Variants in KLHL14 observed in about 807,000 individuals in gnomAD.
KLHL14 encodes the protein kelch-like protein 14.
In KLHL14, 22 loss-of-function variants were observed where a neutral mutation model predicts 64.3. The ratio of observed to expected loss-of-function variants is 0.34; its 90% CI spans 0.24 to 0.49. The LOEUF (loss-of-function observed/expected upper bound fraction) is 0.49. Among genes scored for constraint, KLHL14 ranks in the 20% least tolerant of loss-of-function variants. The pLI is 0.99. For synonymous variants in KLHL14, 322 were observed against 333.4 expected (o/e 0.97, Z 0.37); for missense variants, 661 against 789.0 (o/e 0.84, Z 1.94).
chr18:32,682,353 G>C (rs1170223041), intron 5 of KLHL14, among the ~76,000 whole-genome samples: 1 of 151,954 alleles, frequency 6.6e-6, no homozygotes, highest in Non-Finnish European at 1.5e-5. Flanking sequence ...AGATAATGAA[G>C]AACAACAATA....
chr18:32,750,686 C>G (rs1243281362), intron 2 of KLHL14, among the ~76,000 whole-genome samples: 1 of 152,112 alleles, frequency 6.6e-6, no homozygotes, highest in Non-Finnish European at 1.5e-5. Context: ...ATCCTTGACT[C>G]TTCCATTTTC....
At chr18:32,767,364 CT>C (rs34264191) in intron 2 of KLHL14, among the ~76,000 whole-genome samples, 48,606 of 152,068 alleles carry the variant, frequency 0.32, 9,555 homozygotes, top group Non-Finnish European at 0.45. Context: ...AAAATGCTAC[CT>C]TTACTAATAA....
intron 3 of KLHL14, among the ~76,000 whole-genome samples, chr18:32,736,746 T>C (rs1263011224): frequency 6.6e-6 from 1 of 152,108 alleles, no homozygotes; most frequent in East Asian, 1.9e-4. Context: ...GCATTCTCAA[T>C]ACTGGGTGGT....
intron 2 of KLHL14, among the ~76,000 whole-genome samples, chr18:32,768,104 G>A (rs904713268): frequency 6.6e-5 from 10 of 152,064 alleles, no homozygotes; most frequent in African/African-American, 2.2e-4. Flanking sequence ...ATAAAAATAC[G>A]TTTCATGTTT....
intron 2 of KLHL14, among the ~76,000 whole-genome samples, chr18:32,757,009 C>T (rs184123228): frequency 5.8e-4 from 89 of 152,302 alleles, no homozygotes; most frequent in Admixed American, 2.0e-3. Context: ...ACTATGATCC[C>T]TACCATCTTG....
chr18:32,741,548 A>G (rs2050197587), intron 3 of KLHL14, among the ~76,000 whole-genome samples: 1 of 152,256 alleles, frequency 6.6e-6, no homozygotes, highest in Non-Finnish European at 1.5e-5. Flanking sequence ...AGTGAACTAA[A>G]CAACCATTTT....
At chr18:32,697,578 C>A (rs1056022655) in intron 3 of KLHL14, among the ~76,000 whole-genome samples, 1 of 152,044 alleles carries the variant, frequency 6.6e-6, no homozygotes, top group African/African-American at 2.4e-5. Context: ...ACGGTATTAT[C>A]TTTTTTTAAA....
chr18:32,674,903 C>T (rs1468123889), intron 8 of KLHL14, 106 bp from the exon 9 acceptor site: 1 of 615,914 alleles, frequency 1.6e-6, no homozygotes, highest in Non-Finnish European at 3.0e-6. Context: ...TATCTGTTCT[C>T]CATTCTTGCT....
In KLHL14 at chr18:32,673,215, C is replaced by A. The variant is rs977579849; in HGVS notation, c.*1442G>T. On this transcript the variant is annotated 3_prime_UTR_variant, in exon 9 of 9. Transcript: ENST00000359358. ...ATTCCAGTATACCCATTTATCTTGA[C>A]GTGCTCTGCCATGAAAGCTTATCAC... The A allele has an allele frequency of 6.6e-6, 1 of 152,576 alleles. No individual in the cohort carries two copies. The highest frequency in any genetic ancestry group is 1.5e-5 in the Non-Finnish European group (1 of 68,042). The allele number at this position is 152,576 out of a possible 1,614,324, so 9.5% of individuals were successfully genotyped here.
chr18:32,747,508 CA>C (rs2050229590), intron 2 of KLHL14, among the ~76,000 whole-genome samples: 2 of 152,132 alleles, frequency 1.3e-5, no homozygotes, highest in Admixed American at 6.5e-5. Context: ...CTCACATGTG[CA>C]ATTCACGTAG....
At chr18:32,693,574 G>A (rs1172606404) in intron 4 of KLHL14, among the ~76,000 whole-genome samples, 3 of 152,152 alleles carry the variant, frequency 2.0e-5, no homozygotes, top group African/African-American at 4.8e-5. Flanking sequence ...TAGTCACATC[G>A]TTAGCATTAA....
At chr18:32,696,000 C>G (rs1303951064) in intron 3 of KLHL14, among the ~76,000 whole-genome samples, 3 of 152,146 alleles carry the variant, frequency 2.0e-5, no homozygotes, top group Admixed American at 6.5e-5. Flanking sequence ...TTTCCATAAA[C>G]AGACTCAGGG....
At chr18:32,697,567 A>G (rs945793896) in intron 3 of KLHL14, among the ~76,000 whole-genome samples, 5 of 152,176 alleles carry the variant, frequency 3.3e-5, no homozygotes, top group African/African-American at 1.2e-4. Flanking sequence ...AATAATGAAA[A>G]ACGGTATTAT....
chr18:32,719,649 T>C (rs2050066129), intron 3 of KLHL14, among the ~76,000 whole-genome samples: 1 of 152,238 alleles, frequency 6.6e-6, no homozygotes, highest in Non-Finnish European at 1.5e-5. Flanking sequence ...TATTCAATAA[T>C]TACTACATGT....
At chr18:32,710,865 G>T (rs1390411632) in intron 3 of KLHL14, among the ~76,000 whole-genome samples, 1 of 152,046 alleles carries the variant, frequency 6.6e-6, no homozygotes, top group Non-Finnish European at 1.5e-5. Context: ...GGCACCTTTG[G>T]GTGCCTAACA....
intron 2 of KLHL14, among the ~76,000 whole-genome samples, chr18:32,754,513 G>T (rs1166747419): frequency 1.3e-5 from 2 of 152,224 alleles, no homozygotes; most frequent in African/African-American, 2.4e-5. Context: ...CATAATGGTA[G>T]AAATGAATAT....
At chr18:32,762,888 T>C (rs2050321738) in intron 2 of KLHL14, among the ~76,000 whole-genome samples, 3 of 152,142 alleles carry the variant, frequency 2.0e-5, no homozygotes, top group South Asian at 4.1e-4. Flanking sequence ...TGAAACAAAA[T>C]ATAAACAGAA....
chr18:32,674,711 T>G lies in KLHL14; in HGVS notation c.1833A>C (p.Ala611=). 1.3e-6 allele frequency: 1 copy of G among 780,980 alleles called. No individual in the cohort carries two copies. The highest frequency in any genetic ancestry group is 2.4e-6 in the Non-Finnish European group (1 of 418,034). The allele number at this position is 780,980 out of a possible 1,614,324, so 48.4% of individuals were successfully genotyped here. The stretch of plus-strand genomic sequence containing the variant: ...GAATAACTGTCACACAGGCAGGGCC[T>G]GCCAACGGTTCTGCTACATCTCCTT... The part of the protein sequence containing the change: ...ELEGDVAEPL[A]GPACVTVILP... Residue 611 remains alanine, a synonymous_variant, in exon 9 of 9, where the codon GCA becomes GCC. Transcript: ENST00000359358.
intron 3 of KLHL14, among the ~76,000 whole-genome samples, chr18:32,705,805 A>G (rs1456702784): frequency 6.6e-6 from 1 of 152,320 alleles, no homozygotes; most frequent in East Asian, 1.9e-4. Flanking sequence ...TTGGGACACA[A>G]TGGTGCAAAT....
Sources: allele counts gnomAD v4.1 joint callset (sites outside exome capture counted in the v4.1 genomes callset), GRCh38; gene constraint gnomAD v4.1.1; transcripts MANE v1.5; gene names NCBI Gene and HGNC (gene_info 2026-07-23, HGNC 2026-07-21).